DAB1: variants seen among roughly 807,000 people sequenced by gnomAD.
DAB1 encodes disabled homolog 1.
DAB1 carries 15 observed loss-of-function variants against 64.6 expected under a neutral mutation model. The ratio of observed to expected loss-of-function variants is 0.23; its 90% CI spans 0.16 to 0.36. The LOEUF (loss-of-function observed/expected upper bound fraction) is 0.36, where lower values mean the gene tolerates loss of function less well. DAB1 is among the 10% of genes least tolerant of loss of function. DAB1 has a pLI of 1.00. For missense variants in DAB1, 596 were observed against 706.7 expected (o/e 0.84, Z 1.78); for synonymous variants, 235 against 251.9 (o/e 0.93, Z 0.64).
chr1:57,952,404 T>C (rs1352490739), intron 5 of DAB1, among the ~76,000 whole-genome samples: 1 of 152,184 alleles, frequency 6.6e-6, no homozygotes, highest in Non-Finnish European at 1.5e-5. Flanking sequence ...CCACTCCTCC[T>C]TCCAGTTAAG....
chr1:58,054,627 A>AC (rs1184454644), intron 5 of DAB1, among the ~76,000 whole-genome samples: 1 of 152,244 alleles, frequency 6.6e-6, no homozygotes, highest in African/African-American at 2.4e-5. Flanking sequence ...GCTTGGTCTC[A>AC]CAAAGATATT....
chr1:57,224,929 G>A (rs562560724), intron 2 of DAB1, among the ~76,000 whole-genome samples: 2 of 152,238 alleles, frequency 1.3e-5, no homozygotes, highest in African/African-American at 4.8e-5. Flanking sequence ...TAATCAGTGG[G>A]CCTACATTAA....
intron 5 of DAB1, among the ~76,000 whole-genome samples, chr1:57,975,733 A>G (rs1645903171): frequency 6.6e-6 from 1 of 152,166 alleles, no homozygotes; most frequent in African/African-American, 2.4e-5. Context: ...ATGTATTATA[A>G]AACTTTCTAG....
At chr1:58,108,295 A>T (rs980647481) in intron 5 of DAB1, among the ~76,000 whole-genome samples, 13 of 152,286 alleles carry the variant, frequency 8.5e-5, no homozygotes, top group African/African-American at 3.1e-4. Flanking sequence ...GAACTAATGT[A>T]GTAGAGGTGG....
intron 4 of DAB1, among the ~76,000 whole-genome samples, chr1:57,105,956 C>A (rs1379335734): frequency 1.3e-5 from 2 of 152,128 alleles, no homozygotes; most frequent in Admixed American, 1.3e-4. Context: ...GAGTCTGAAT[C>A]CAGGCTTGGA....
In DAB1 at chr1:58,183,109, T is replaced by C. The variant is rs60539856; in HGVS notation, n.310-32521A>G. 9.3e-3 allele frequency among the ~76,000 whole-genome samples: 1,409 copies of C among 152,132 alleles called. 47 individuals carry two copies. Among genetic ancestry groups the C allele is most frequent in the African/African-American group, 0.033 (1,350 of 41,448 alleles). ...CATTTTAAGCCTGGATTCTAGAGAT[T>C]ACCCCTGGTAAGCATAGTGTAGTGA... On this transcript the variant is annotated intron_variant and non_coding_transcript_variant, in intron 4 of 20. Transcript: ENST00000485760.
chr1:57,877,100 A>G (rs193110351), intron 1 of DAB1, among the ~76,000 whole-genome samples: 37 of 152,232 alleles, frequency 2.4e-4, no homozygotes, highest in Admixed American at 2.4e-3. Context: ...AAATATGATT[A>G]CATTTAGTGT....
chr1:57,171,127 C>T (rs949262026), intron 2 of DAB1, among the ~76,000 whole-genome samples: 1 of 152,198 alleles, frequency 6.6e-6, no homozygotes, highest in East Asian at 1.9e-4. Flanking sequence ...TACAATAAAG[C>T]TGCTGACAGT....
At chr1:57,556,164 T>C (rs947236) in intron 7 of DAB1, among the ~76,000 whole-genome samples, 62,536 of 152,114 alleles carry the variant, frequency 0.41, 14,460 homozygotes, top group Non-Finnish European at 0.52. Flanking sequence ...ACGTTTTCTT[T>C]ATCCACTCAT....
intron 2 of DAB1, among the ~76,000 whole-genome samples, chr1:58,511,548 G>A (rs1472669345): frequency 1.3e-5 from 2 of 152,066 alleles, no homozygotes; most frequent in Non-Finnish European, 2.9e-5. Flanking sequence ...AGGATCACCT[G>A]AGCCTGGGAA....
intron 2 of DAB1, among the ~76,000 whole-genome samples, chr1:57,165,446 T>C (rs150685288): frequency 6.6e-6 from 1 of 152,250 alleles, no homozygotes; most frequent in East Asian, 1.9e-4. Context: ...AAACAATCAA[T>C]AGAAAACAGA....
intron 7 of DAB1, among the ~76,000 whole-genome samples, chr1:57,556,799 T>A (rs1644994137): frequency 6.6e-6 from 1 of 152,208 alleles, no homozygotes; most frequent in African/African-American, 2.4e-5. Flanking sequence ...CTCCCATATA[T>A]TTATCCTTGT....
At chr1:58,086,081 A>G (rs897339827) in intron 5 of DAB1, among the ~76,000 whole-genome samples, 5 of 146,022 alleles carry the variant, frequency 3.4e-5, no homozygotes, top group African/African-American at 1.3e-4. Context: ...CTCCTGCCTC[A>G]GCCTCCCAAG....
chr1:57,771,630 C>G (rs1400597121), intron 6 of DAB1, among the ~76,000 whole-genome samples: 1 of 152,074 alleles, frequency 6.6e-6, no homozygotes, highest in Non-Finnish European at 1.5e-5. Context: ...TAAGTATACT[C>G]AATCATTATG....
At chr1:58,439,766 T>C (rs1429581580) in intron 3 of DAB1, among the ~76,000 whole-genome samples, 1 of 152,200 alleles carries the variant, frequency 6.6e-6, no homozygotes, top group African/African-American at 2.4e-5. Flanking sequence ...AGAATGTGGA[T>C]TCTTAAACAA....
At chr1:57,638,005 G>C (rs2101637298) in intron 7 of DAB1, among the ~76,000 whole-genome samples, 3 of 152,208 alleles carry the variant, frequency 2.0e-5, no homozygotes, top group Middle Eastern at 6.8e-3. Flanking sequence ...AACACTTTTG[G>C]CATGGGTAAA....
rs150285763 is a variant in DAB1, at chr1:58,052,151, T to A, written n.387+98360A>T. On this transcript the variant is annotated intron_variant and non_coding_transcript_variant, in intron 5 of 20. Coordinates refer to the DAB1 transcript ENST00000485760. ...ATGTCCTGAATGGTATTGCCTAGGTTTTCTTCTAAGGTTTTTATGGTTTTA... is the reference window on the plus strand; with the variant it reads ...ATGTCCTGAATGGTATTGCCTAGGTATTCTTCTAAGGTTTTTATGGTTTTA... Among the ~76,000 whole-genome samples the A allele has an allele frequency of 6.0e-3, 915 of 152,334 alleles. 14 individuals are homozygous for A. Among genetic ancestry groups the A allele is most frequent in the African/African-American group, 0.021 (863 of 41,564 alleles).
chr1:58,268,741 T>C (rs997483946), intron 4 of DAB1, among the ~76,000 whole-genome samples: 2 of 152,146 alleles, frequency 1.3e-5, no homozygotes, highest in African/African-American at 4.8e-5. Flanking sequence ...AATGATAATT[T>C]TTGGGAAAAG....
chr1:58,048,773 T>A lies in DAB1; in HGVS notation n.387+101738A>T, dbSNP rs528650148. The A allele has an allele frequency of 1.4e-4, 166 of 1,213,644 alleles. 1 individual carries two copies. The highest frequency in any genetic ancestry group is 1.7e-4 in the Admixed American group (10 of 59,460). The allele number at this position is 1,213,644 out of a possible 1,614,324, so 75.2% of individuals were successfully genotyped here. A position where few individuals can be genotyped will look rare whatever the true frequency, so the allele number is the denominator to read the frequency against. Reference sequence around the variant, plus strand: ...GACAGGGCTTTCCTAACTTCACAGTTGTGGCCATTCACAGTATAGTATTTC... The same window carrying A: ...GACAGGGCTTTCCTAACTTCACAGTAGTGGCCATTCACAGTATAGTATTTC... On this transcript the variant is annotated intron_variant and non_coding_transcript_variant, in intron 5 of 20. Transcript: ENST00000485760.
Sources: gnomAD v4.1 joint callset for allele counts (sites outside exome capture counted in the v4.1 genomes callset) on GRCh38, gnomAD v4.1.1 for gene constraint, MANE v1.5 for transcripts, NCBI Gene and HGNC (gene_info 2026-07-23, HGNC 2026-07-21) for gene names.